Variants in PRDM16 observed in about 807,000 individuals in gnomAD.
PRDM16 encodes the protein histone-lysine N-methyltransferase PRDM16.
PRDM16 carries 23 observed loss-of-function variants against 110.6 expected under a neutral mutation model. That is an observed-to-expected ratio of 0.21 (90% CI 0.15 to 0.29). The LOEUF (loss-of-function observed/expected upper bound fraction) is 0.29, where lower values mean the gene tolerates loss of function less well. Ranked by LOEUF, PRDM16 falls within the 10% of genes least tolerant of loss-of-function variation. The pLI is 1.00. For missense variants in PRDM16, 1,615 were observed against 1,794.3 expected, an observed-to-expected ratio of 0.90 and a Z score of 1.81; for synonymous variants, 799 against 781.8, an observed-to-expected ratio of 1.02 and a Z score of -0.37.
At chr1:3,140,688 T>C (rs1643531924) in intron 1 of PRDM16, among the ~76,000 whole-genome samples, 1 of 152,154 alleles carries the variant, frequency 6.6e-6, no homozygotes, top group Non-Finnish European at 1.5e-5. Flanking sequence ...CTAGAAGGCG[T>C]ATGGGGGGTG....
chr1:3,147,960 C>T (rs1643707373), intron 1 of PRDM16, among the ~76,000 whole-genome samples: 1 of 152,200 alleles, frequency 6.6e-6, no homozygotes, highest in Non-Finnish European at 1.5e-5. Flanking sequence ...TCTGATTCTG[C>T]ATTGACCTCA....
rs374368747 is a variant in PRDM16 at position 3,402,328 on chromosome 1, C to T, written c.677-463C>T. Among the ~76,000 whole-genome samples the T allele has an allele frequency of 1.1e-4, 16 of 152,374 alleles. 1 individual carries two copies. The highest frequency in any genetic ancestry group is 4.6e-4 in the Admixed American group (7 of 15,308). ...TTGGCTTGGCAAGGCAGTCAGGATG[C>T]TGCCTCGTAAACTTAATAATAGCTG... On this transcript the variant is annotated intron_variant, in intron 5 of 16. Coordinates refer to ENST00000270722, the MANE Select transcript of PRDM16 (RefSeq NM_022114.4).
rs1643866331 is a variant in PRDM16, at chr1:3,157,259, G to A, written c.38-28866G>A. ...GCCAGATCCGGCAGATGAAATCCAG[G>A]ACACCCAGTTCAATTTGAATTTCAG... is the stretch of plus-strand genomic sequence containing the variant. On this transcript the variant is annotated intron_variant, in intron 1 of 16. Transcript: ENST00000270722. The surrounding 1 kb of genome is among the most constrained non-coding windows in gnomAD (Gnocchi z 4.8). Among the ~76,000 whole-genome samples, 1 of 152,156 alleles carries A rather than the reference G, an allele frequency of 6.6e-6. No homozygotes were observed. Among genetic ancestry groups the A allele is most frequent in the Non-Finnish European group, 1.5e-5 (1 of 68,020 alleles).
intron 1 of PRDM16, among the ~76,000 whole-genome samples, chr1:3,111,762 G>A (rs1642800920): frequency 6.6e-6 from 1 of 152,170 alleles, no homozygotes; most frequent in Non-Finnish European, 1.5e-5. Context: ...CTTCGCGGCT[G>A]AAAAGGCCCA....
At chr1:3,317,737 C>T (rs1641644739) in intron 3 of PRDM16, among the ~76,000 whole-genome samples, 1 of 152,242 alleles carries the variant, frequency 6.6e-6, no homozygotes, top group Admixed American at 6.5e-5. Flanking sequence ...AGTGTCCCCT[C>T]CTCCTCCGGA....
At chr1:3,335,077 C>T (rs1242589050) in intron 3 of PRDM16, among the ~76,000 whole-genome samples, 1 of 152,212 alleles carries the variant, frequency 6.6e-6, no homozygotes, top group Non-Finnish European at 1.5e-5. Context: ...ACCAGGTTCC[C>T]CCCTGTGGCT....
At position 3,101,040 on chromosome 1, in the gene PRDM16, C is replaced by T. The variant is rs184488774; in HGVS notation, c.37+31744C>T. 3.8e-3 allele frequency among the ~76,000 whole-genome samples: 572 copies of T among 152,196 alleles called. 1 individual carries two copies. The highest frequency in any genetic ancestry group is 0.013 in the African/African-American group (546 of 41,512). ...GGGGCTGCTCCCTAATGGGGGATGCCCTCGGCGGGAGTGGATGCTGCTGGG... is the reference window on the plus strand; with the variant it reads ...GGGGCTGCTCCCTAATGGGGGATGCTCTCGGCGGGAGTGGATGCTGCTGGG... On this transcript the variant is annotated intron_variant, in intron 1 of 16. Transcript: ENST00000270722.
rs553428728 is a variant in PRDM16 at position 3,076,606 on chromosome 1, C to T, written c.37+7310C>T. ...CTCCGAGGGTGTCTGTCTCCTTCCT[C>T]GCCCACAGGTAGTGCCAGGGGGCAT... is the stretch of plus-strand genomic sequence containing the variant. On this transcript the variant is annotated intron_variant, in intron 1 of 16. Transcript: ENST00000270722. Among the ~76,000 whole-genome samples, 42 of 152,326 alleles carry T rather than the reference C, an allele frequency of 2.8e-4. No homozygotes were observed. In the South Asian group the frequency reaches 6.2e-3, roughly 23 times the overall value.
At chr1:3,122,620 A>G (rs1054669519) in intron 1 of PRDM16, among the ~76,000 whole-genome samples, 5 of 152,138 alleles carry the variant, frequency 3.3e-5, no homozygotes, top group African/African-American at 9.7e-5. Flanking sequence ...AGTGGAAAAA[A>G]TGAACCGTCT....
intron 12 of PRDM16, among the ~76,000 whole-genome samples, chr1:3,423,609 C>T (rs1453027879): frequency 4.6e-5 from 7 of 152,310 alleles, no homozygotes; most frequent in East Asian, 1.9e-4. Context: ...TGCTCTGGAG[C>T]GGGCCACCGG....
intron 1 of PRDM16, among the ~76,000 whole-genome samples, chr1:3,154,915 C>G (rs915890223): frequency 6.6e-6 from 1 of 152,194 alleles, no homozygotes; most frequent in African/African-American, 2.4e-5. Context: ...AGCAAGACAC[C>G]AAAGCAAGCC....
chr1:3,329,888 G>T (rs932416315), intron 3 of PRDM16, among the ~76,000 whole-genome samples: 3 of 152,282 alleles, frequency 2.0e-5, no homozygotes, highest in African/African-American at 7.2e-5. Flanking sequence ...GGCTGAGCTT[G>T]TGTTGGGCTG....
Position 3,341,964 on chromosome 1 carries a change from A to AC in PRDM16, c.439-43184dup, listed in dbSNP as rs1479348919. On this transcript the variant is annotated intron_variant, in intron 3 of 16. Coordinates refer to ENST00000270722, the MANE Select transcript of PRDM16 (RefSeq NM_022114.4). ...TTTATGATGAGCTTCTTGGGAGGTA[A>AC]CCCCATCTCAAGTTGAAAAGCACCT... Among the ~76,000 whole-genome samples, 4 of 152,322 alleles carry AC rather than the reference A, an allele frequency of 2.6e-5. No homozygotes were observed. In the South Asian group the frequency reaches 6.2e-4, roughly 24 times the overall value.
chr1:3,182,460 A>G (rs1557511440), intron 1 of PRDM16, among the ~76,000 whole-genome samples: 1 of 151,822 alleles, frequency 6.6e-6, no homozygotes. Context: ...AGACCCCAAG[A>G]CCCTGGCCAT....
chr1:3,320,977 G>C (rs118067781), intron 3 of PRDM16, among the ~76,000 whole-genome samples: 1 of 152,250 alleles, frequency 6.6e-6, no homozygotes, highest in Admixed American at 6.5e-5. Context: ...GCACCCGAGG[G>C]AGACGAAACG....
At chr1:3,394,098 CG>C (rs1643345337) in intron 4 of PRDM16, among the ~76,000 whole-genome samples, 4 of 151,804 alleles carry the variant, frequency 2.6e-5, no homozygotes, top group Non-Finnish European at 5.9e-5. Context: ...CAGGAGACAC[CG>C]GGGGCCCTCG....
chr1:3,315,359 G>A (rs1195009375), intron 3 of PRDM16, among the ~76,000 whole-genome samples: 1 of 152,090 alleles, frequency 6.6e-6, no homozygotes, highest in Non-Finnish European at 1.5e-5. Context: ...CTGGAATGCC[G>A]CATCTATAGA....
Position 3,244,008 on chromosome 1 carries a change from G to T in PRDM16, c.388-79G>T. On this transcript the variant is annotated intron_variant, in intron 2 of 16. Transcript: ENST00000270722. The surrounding 1 kb of genome is among the most constrained non-coding windows in gnomAD (Gnocchi z 4.1). The stretch of plus-strand genomic sequence containing the variant: ...TGTGACTTTTGGGGACAGTGGTTCT[G>T]CCCCCACCATTTAGAACCCAGTGTA... The T allele has an allele frequency of 1.4e-6, 2 of 1,445,530 alleles. No individual in the cohort carries two copies. The highest frequency in any genetic ancestry group is 4.5e-5 in the East Asian group (2 of 44,038). The allele number at this position is 1,445,530 out of a possible 1,614,324, so 89.5% of individuals were successfully genotyped here.
intron 1 of PRDM16, among the ~76,000 whole-genome samples, chr1:3,169,789 G>T (rs1330927934): frequency 1.3e-5 from 2 of 152,180 alleles, no homozygotes; most frequent in African/African-American, 2.4e-5. Flanking sequence ...GCAGCCCCTG[G>T]TTCCCCCCGA....
Sources: allele counts gnomAD v4.1 joint callset (sites outside exome capture counted in the v4.1 genomes callset), GRCh38; gene constraint gnomAD v4.1.1; non-coding constraint Gnocchi (gnomAD v3.1); transcripts MANE v1.5; gene names NCBI Gene and HGNC (gene_info 2026-07-23, HGNC 2026-07-21).